MAGI2: variants seen among roughly 807,000 people sequenced by gnomAD.
The protein encoded by MAGI2 is membrane-associated guanylate kinase, WW and PDZ domain-containing protein 2.
MAGI2 carries 35 observed loss-of-function variants against 133.3 expected under a neutral mutation model. The ratio of observed to expected loss-of-function variants is 0.26; its 90% confidence interval spans 0.20 to 0.35. MAGI2 has a LOEUF of 0.35. Ranked by LOEUF, MAGI2 falls within the 10% of genes least tolerant of loss-of-function variation. The probability of loss-of-function intolerance (pLI) is 1.00; values close to 1 mark genes in which losing one functional copy is unlikely to be tolerated. For missense variants in MAGI2, 1,636 were observed against 1,863.4 expected (o/e 0.88, Z 2.25); for synonymous variants, 729 against 710.6 (o/e 1.03, Z -0.41).
intron 1 of MAGI2, among the ~76,000 whole-genome samples, chr7:79,339,471 T>TTTTG (rs2129098599): frequency 6.6e-6 from 1 of 151,540 alleles, no homozygotes; most frequent in South Asian, 2.1e-4. Flanking sequence ...TTTGTTTTTT[T>TTTTG]TTTTTTTGAG....
rs1324182147 is a variant in MAGI2 at position 79,214,234 on chromosome 7, T to G, written c.302-207028A>C. Reference sequence around the variant, plus strand: ...TTCTTCCAATAATTTTCTTTCTGGTTTGATACTTCCTTTTATTACATGACA... The same window carrying G: ...TTCTTCCAATAATTTTCTTTCTGGTGTGATACTTCCTTTTATTACATGACA... On this transcript the variant is annotated intron_variant, in intron 1 of 21. Transcript: ENST00000354212. Among the ~76,000 whole-genome samples the G allele has an allele frequency of 2.0e-5, 3 of 151,244 alleles. No individual in the cohort carries two copies. In the East Asian group the frequency reaches 5.8e-4, roughly 29 times the overall value.
At chr7:78,024,230 G>A (rs571280613) in intron 21 of MAGI2, among the ~76,000 whole-genome samples, 1 of 152,198 alleles carries the variant, frequency 6.6e-6, no homozygotes, top group South Asian at 2.1e-4. Flanking sequence ...TATTTTACCT[G>A]ACTTCTTTAG....
At chr7:79,382,371 C>A (rs1843853789) in intron 1 of MAGI2, among the ~76,000 whole-genome samples, 1 of 151,508 alleles carries the variant, frequency 6.6e-6, no homozygotes, top group Admixed American at 6.6e-5. Flanking sequence ...TAAATTTCTA[C>A]AATTTAATTA....
At chr7:78,731,414 A>G (rs1218321662) in intron 2 of MAGI2, among the ~76,000 whole-genome samples, 3 of 152,148 alleles carry the variant, frequency 2.0e-5, no homozygotes, top group African/African-American at 7.2e-5. Flanking sequence ...GCAAGAAAGC[A>G]GTGAAAACAA....
intron 2 of MAGI2, among the ~76,000 whole-genome samples, chr7:78,920,261 C>G (rs1421900136): frequency 6.6e-6 from 1 of 152,000 alleles, no homozygotes; most frequent in East Asian, 1.9e-4. Context: ...ATTATTTAGC[C>G]CCTCTGTACA....
intron 14 of MAGI2, among the ~76,000 whole-genome samples, chr7:78,176,667 AG>A (rs1316559747): frequency 2.0e-5 from 3 of 151,962 alleles, no homozygotes; most frequent in African/African-American, 7.3e-5. Flanking sequence ...ATTTCTGCCC[AG>A]GTTTTATTTT....
At chr7:78,585,686 T>G (rs1402384575) in intron 3 of MAGI2, among the ~76,000 whole-genome samples, 1 of 152,112 alleles carries the variant, frequency 6.6e-6, no homozygotes, top group Non-Finnish European at 1.5e-5. Flanking sequence ...GGGGAAGCAA[T>G]GGCAGCATTA....
intron 1 of MAGI2, among the ~76,000 whole-genome samples, chr7:79,033,836 ATAAAT>A (rs893192523): frequency 6.6e-6 from 1 of 152,176 alleles, no homozygotes; most frequent in African/African-American, 2.4e-5. Context: ...AACACTGTAA[ATAAAT>A]TAAGGGTAAA....
intron 1 of MAGI2, among the ~76,000 whole-genome samples, chr7:79,007,421 A>C (rs1351813901): frequency 6.6e-6 from 1 of 152,178 alleles, no homozygotes; most frequent in Non-Finnish European, 1.5e-5. Context: ...AATGCTTTGC[A>C]TGTATTCCTA....
At chr7:78,211,420 G>A (rs1032308544) in intron 10 of MAGI2, among the ~76,000 whole-genome samples, 6 of 152,124 alleles carry the variant, frequency 3.9e-5, no homozygotes, top group Non-Finnish European at 4.4e-5. Context: ...ACTGACTTGG[G>A]TTCTAGTCCC....
At chr7:79,371,769 GC>G (rs1172315012) in intron 1 of MAGI2, among the ~76,000 whole-genome samples, 1 of 152,028 alleles carries the variant, frequency 6.6e-6, no homozygotes, top group Admixed American at 6.6e-5. Flanking sequence ...ATTTTTGAGT[GC>G]TTATAGACAG....
At chr7:78,529,414 G>A (rs961356729) in intron 3 of MAGI2, among the ~76,000 whole-genome samples, 1 of 152,024 alleles carries the variant, frequency 6.6e-6, no homozygotes, top group African/African-American at 2.4e-5. Context: ...GATAGCAGAC[G>A]GAAAGAAATT....
chr7:78,559,181 G>GAAAAAAAAAAA (rs1800158460), intron 3 of MAGI2, among the ~76,000 whole-genome samples: 1 of 19,398 alleles, frequency 5.2e-5, no homozygotes, highest in Non-Finnish European at 1.1e-4. Flanking sequence ...AAAAAGAAAA[G>GAAAAAAAAAAA]AAAAGAAAAG....
At chr7:79,391,528 T>TAG (rs1286709647) in intron 1 of MAGI2, among the ~76,000 whole-genome samples, 3 of 91,232 alleles carry the variant, frequency 3.3e-5, no homozygotes, top group African/African-American at 1.3e-4. Flanking sequence ...TATATATATA[T>TAG]ATATATATAG....
rs1302532517 is a variant in MAGI2 at position 79,157,941 on chromosome 7, A to AGTGAGTGTGT, written c.302-150736_302-150735insACACACTCAC. Among the ~76,000 whole-genome samples, 126 of 134,968 alleles carry AGTGAGTGTGT rather than the reference A, an allele frequency of 9.3e-4. 1 individual carries two copies. The highest frequency in any genetic ancestry group is 3.9e-3 in the African/African-American group (119 of 30,862). The allele number at this position is 134,968 out of a possible 152,430, so 88.5% of individuals were successfully genotyped here. A position where few individuals can be genotyped will look rare whatever the true frequency, so the allele number is the denominator to read the frequency against. ...GTAAATGCTACAGAATCTTTGTGTG[A>AGTGAGTGTGT]GTGTGTGTGTGTGTGTGTGTGTGTG... On this transcript the variant is annotated intron_variant, in intron 1 of 21. Transcript: ENST00000354212.
At chr7:78,869,460 A>T (rs1040026088) in intron 2 of MAGI2, among the ~76,000 whole-genome samples, 3 of 152,198 alleles carry the variant, frequency 2.0e-5, no homozygotes, top group African/African-American at 7.2e-5. Flanking sequence ...CAATTATCCC[A>T]ACACCATTTA....
chr7:78,807,410 T>C (rs1237398363), intron 2 of MAGI2, among the ~76,000 whole-genome samples: 1 of 152,208 alleles, frequency 6.6e-6, no homozygotes, highest in East Asian at 1.9e-4. Flanking sequence ...TGAATCTCTT[T>C]AATGTCTGGG....
At position 79,212,180 on chromosome 7, in the gene MAGI2, T is replaced by A. The variant is rs369384793; in HGVS notation, c.302-204974A>T. 2.0e-5 allele frequency among the ~76,000 whole-genome samples: 3 copies of A among 152,216 alleles called. No homozygotes were observed. The South Asian group carries it at 6.2e-4, about 32-fold the overall frequency. ...AATATAGCTTGGAGCGCTCTTTACA[T>A]CAGAATACAAAGATGTTGCATTATT... is the stretch of plus-strand genomic sequence containing the variant. On this transcript the variant is annotated intron_variant, in intron 1 of 21. Transcript: ENST00000354212.
At chr7:78,780,133 G>A (rs1826282069) in intron 2 of MAGI2, among the ~76,000 whole-genome samples, 1 of 152,226 alleles carries the variant, frequency 6.6e-6, no homozygotes, top group Non-Finnish European at 1.5e-5. Flanking sequence ...AATGTGTACT[G>A]CTTAATGTTT....
Sources: gnomAD v4.1 joint callset for allele counts (sites outside exome capture counted in the v4.1 genomes callset) on GRCh38, gnomAD v4.1.1 for gene constraint, MANE v1.5 for transcripts, NCBI Gene and HGNC (gene_info 2026-07-23, HGNC 2026-07-21) for gene names.